Variants in PTCHD4 observed in about 807,000 individuals in gnomAD.
The protein encoded by PTCHD4 is patched domain containing 4.
PTCHD4 carries 33 observed loss-of-function variants against 58.1 expected under a neutral mutation model. That is an observed-to-expected ratio of 0.57 (90% CI 0.43 to 0.76). The LOEUF is 0.76. PTCHD4 is among the 30% of genes least tolerant of loss of function. The pLI is 0.00. For missense variants in PTCHD4, 1,058 were observed against 1,027.1 expected, an observed-to-expected ratio of 1.03 and a Z score of -0.41; for synonymous variants, 478 against 409.6, an observed-to-expected ratio of 1.17 and a Z score of -2.02.
At chr6:47,947,929 C>T (rs1364555250) in intron 4 of PTCHD4, among the ~76,000 whole-genome samples, 2 of 152,090 alleles carry the variant, frequency 1.3e-5, no homozygotes, top group Non-Finnish European at 2.9e-5. Context: ...TCACTTTGTC[C>T]TGTATGTCCC....
At chr6:48,097,724 G>A (rs1222118439) in intron 1 of PTCHD4, among the ~76,000 whole-genome samples, 2 of 152,138 alleles carry the variant, frequency 1.3e-5, no homozygotes, top group African/African-American at 2.4e-5. Context: ...CCCTTATTAG[G>A]AAGCTATTAT....
At chr6:48,102,277 C>A (rs972458384) in intron 1 of PTCHD4, among the ~76,000 whole-genome samples, 2 of 152,194 alleles carry the variant, frequency 1.3e-5, no homozygotes, top group Non-Finnish European at 2.9e-5. Context: ...AAACTCCTGA[C>A]CCTTTAATAG....
chr6:47,961,962 A>G (rs1041726284), intron 4 of PTCHD4, among the ~76,000 whole-genome samples: 2 of 152,134 alleles, frequency 1.3e-5, no homozygotes, highest in African/African-American at 2.4e-5. Context: ...ATGCAGAAGC[A>G]TCATGAAAAC....
At chr6:48,095,883 G>A (rs570858867) in intron 1 of PTCHD4, among the ~76,000 whole-genome samples, 1 of 152,150 alleles carries the variant, frequency 6.6e-6, no homozygotes, top group African/African-American at 2.4e-5. Flanking sequence ...CTGTGATTTT[G>A]GAACCTAACC....
intron 4 of PTCHD4, among the ~76,000 whole-genome samples, chr6:47,913,110 A>G (rs1765121370): frequency 1.3e-5 from 2 of 152,118 alleles, no homozygotes; most frequent in African/African-American, 2.4e-5. Context: ...TCCTGGGTCC[A>G]GTCCTGGCCC....
intron 3 of PTCHD4, among the ~76,000 whole-genome samples, chr6:48,017,667 G>T (rs1762912855): frequency 6.6e-6 from 1 of 152,088 alleles, no homozygotes; most frequent in Non-Finnish European, 1.5e-5. Context: ...TGCTATACTG[G>T]AGTAGCCTCA....
At position 48,070,155 on chromosome 6, in the gene PTCHD4, GTATA is replaced by G. The variant is rs910679496; in HGVS notation, c.-969-233_-969-230del. Among the ~76,000 whole-genome samples, 67 of 100,314 alleles carry G rather than the reference GTATA, an allele frequency of 6.7e-4. No individual in the cohort carries two copies. The South Asian group carries it at 0.011, about 17-fold the overall frequency. 65.8% of individuals were successfully genotyped at this position (100,314 alleles called of 152,430 possible). A position where few individuals can be genotyped will look rare whatever the true frequency, so the allele number is the denominator to read the frequency against. ...TGTGTGTGTGTGTGTGTGTGTGTGT[GTATA>G]TATATATATGAATTTTTTAGGGCAA... On this transcript the variant is annotated intron_variant, in intron 1 of 4. Coordinates refer to ENST00000339488, the MANE Select transcript of PTCHD4 (RefSeq NM_001384253.1).
chr6:47,975,497 T>A (rs1009294747), intron 4 of PTCHD4, among the ~76,000 whole-genome samples: 4 of 152,210 alleles, frequency 2.6e-5, no homozygotes, highest in Admixed American at 1.3e-4. Flanking sequence ...TTGCCACACC[T>A]ATCAACCCTA....
chr6:47,896,699 C>T (rs1764539152), intron 4 of PTCHD4, among the ~76,000 whole-genome samples: 1 of 152,080 alleles, frequency 6.6e-6, no homozygotes, highest in Admixed American at 6.5e-5. Context: ...AAAGGAAGGA[C>T]CCACTAAATG....
intron 4 of PTCHD4, among the ~76,000 whole-genome samples, chr6:47,954,736 C>T (rs965055529): frequency 2.0e-5 from 3 of 152,122 alleles, no homozygotes; most frequent in Admixed American, 6.5e-5. Flanking sequence ...AATATTCCTC[C>T]TATATGTTTT....
At chr6:47,928,284 T>C (rs911312850) in intron 4 of PTCHD4, among the ~76,000 whole-genome samples, 2 of 152,320 alleles carry the variant, frequency 1.3e-5, no homozygotes, top group Non-Finnish European at 2.9e-5. Context: ...CATTCCAACT[T>C]TAGCAGGAAA....
chr6:47,946,098 A>G (rs112542014), intron 4 of PTCHD4, among the ~76,000 whole-genome samples: 7 of 152,036 alleles, frequency 4.6e-5, no homozygotes, highest in African/African-American at 1.7e-4. Flanking sequence ...ATTCTTTGAA[A>G]TTTGTTGAAT....
At chr6:48,065,423 T>A (rs1327147802) in intron 3 of PTCHD4, among the ~76,000 whole-genome samples, 1 of 152,156 alleles carries the variant, frequency 6.6e-6, no homozygotes, top group Non-Finnish European at 1.5e-5. Flanking sequence ...GCTAAAAAAA[T>A]ACATATAAAA....
chr6:48,013,873 G>A (rs1170829431), intron 3 of PTCHD4, among the ~76,000 whole-genome samples: 1 of 152,034 alleles, frequency 6.6e-6, no homozygotes, highest in African/African-American at 2.4e-5. Flanking sequence ...ATCTCTTGGG[G>A]CTCATTTGGA....
chr6:47,922,019 C>T (rs939521003), intron 4 of PTCHD4, among the ~76,000 whole-genome samples: 1 of 150,750 alleles, frequency 6.6e-6, no homozygotes, highest in Non-Finnish European at 1.5e-5. Context: ...CATGCCTGAG[C>T]CCCAGTTACT....
In PTCHD4 at chr6:47,979,389, C is replaced by T. The variant is rs72867991; in HGVS notation, c.898+29245G>A. On this transcript the variant is annotated intron_variant, in intron 4 of 4. Transcript: ENST00000339488. ...TGAACTCTAGTAAATGACATGCACA[C>T]GGATGTGTATGGGGTGAAAGTTAAA... 5.6e-3 allele frequency among the ~76,000 whole-genome samples: 853 copies of T among 151,724 alleles called. 2 individuals are homozygous for T. The highest frequency in any genetic ancestry group is 8.2e-3 in the Non-Finnish European group (555 of 67,878).
chr6:48,008,950 C>T lies in PTCHD4; in HGVS notation c.582G>A (p.Glu194=), dbSNP rs1208855674. 7.4e-6 allele frequency: 12 copies of T among 1,613,998 alleles called. 1 individual carries two copies. Among genetic ancestry groups the T allele is most frequent in the African/African-American group, 6.7e-5 (5 of 75,072 alleles). ...QDLIGEKWEN[E]FCKLIRKLQE... Reference sequence around the variant, plus strand: ...GGAGCTTCCTTATAAGCTTACAGAACTCATTCTCCCACTTCTCCCCTATGA... The same window carrying T: ...GGAGCTTCCTTATAAGCTTACAGAATTCATTCTCCCACTTCTCCCCTATGA... The change falls in exon 4 of 5, where the codon GAG becomes GAA. Residue 194 remains glutamate, a synonymous_variant. Coordinates refer to ENST00000339488, the MANE Select transcript of PTCHD4 (RefSeq NM_001384253.1).
At chr6:48,015,246 C>T (rs561934633) in intron 3 of PTCHD4, among the ~76,000 whole-genome samples, 206 of 152,082 alleles carry the variant, frequency 1.4e-3, no homozygotes, top group Non-Finnish European at 1.0e-3. Context: ...GCTCATATCC[C>T]TGTGTACACT....
intron 4 of PTCHD4, among the ~76,000 whole-genome samples, chr6:47,903,798 G>T (rs552231250): frequency 6.6e-6 from 1 of 152,184 alleles, no homozygotes; most frequent in Non-Finnish European, 1.5e-5. Context: ...TTAATATGTT[G>T]TATATTGATG....
Sources: gnomAD v4.1 joint callset for allele counts (sites outside exome capture counted in the v4.1 genomes callset) on GRCh38, gnomAD v4.1.1 for gene constraint, MANE v1.5 for transcripts, NCBI Gene and HGNC (gene_info 2026-07-23, HGNC 2026-07-21) for gene names.